Variants in GPC6 observed in about 807,000 individuals in gnomAD.
The protein encoded by GPC6 is glypican 6, also known as glypican-6.
In GPC6, 14 loss-of-function variants were observed where a neutral mutation model predicts 55.2. That is an observed-to-expected ratio of 0.25 (90% CI 0.17 to 0.40). The LOEUF is 0.40. Ranked by LOEUF, GPC6 falls within the 10% of genes least tolerant of loss-of-function variation. The pLI, the probability that GPC6 is intolerant of heterozygous loss-of-function variation, is 1.00. For synonymous variants in GPC6, 278 were observed against 259.6 expected, an observed-to-expected ratio of 1.07 and a Z score of -0.68; for missense variants, 641 against 708.5, an observed-to-expected ratio of 0.90 and a Z score of 1.08.
intron 4 of GPC6, among the ~76,000 whole-genome samples, chr13:94,063,655 G>A (rs981481677): frequency 3.3e-5 from 5 of 152,064 alleles, no homozygotes; most frequent in Middle Eastern, 3.2e-3. Flanking sequence ...CTCTCTCAAA[G>A]CCCGAGCCTT....
chr13:93,694,689 C>T (rs1481858001), intron 2 of GPC6, among the ~76,000 whole-genome samples: 1 of 152,140 alleles, frequency 6.6e-6, no homozygotes, highest in African/African-American at 2.4e-5. Context: ...GTTACTGTCA[C>T]CGCACAACTT....
chr13:93,882,462 G>A (rs1163311202), intron 3 of GPC6, among the ~76,000 whole-genome samples: 1 of 152,034 alleles, frequency 6.6e-6, no homozygotes, highest in Non-Finnish European at 1.5e-5. Context: ...CAAAGTTTAA[G>A]TCACCTCCCA....
rs552617756 is a variant in GPC6 at position 93,857,201 on chromosome 13, G to A, written c.711+26656G>A. ...ATCACAATAAATTGCAAACACATCA[G>A]GGAGTTTACTCCTAAGCAGCAGGAG... On this transcript the variant is annotated intron_variant, in intron 3 of 8. Coordinates refer to ENST00000377047, the MANE Select transcript of GPC6 (RefSeq NM_005708.5). 2.0e-5 allele frequency among the ~76,000 whole-genome samples: 3 copies of A among 151,632 alleles called. No homozygotes were observed. In the South Asian group the frequency reaches 6.2e-4, roughly 31 times the overall value.
intron 3 of GPC6, among the ~76,000 whole-genome samples, chr13:93,851,450 C>T (rs1028397790): frequency 6.6e-6 from 1 of 151,828 alleles, no homozygotes; most frequent in Non-Finnish European, 1.5e-5. Context: ...ACAGTGCCAT[C>T]TAACAGTCAG....
intron 2 of GPC6, among the ~76,000 whole-genome samples, chr13:93,559,538 A>G (rs896112265): frequency 6.6e-6 from 1 of 152,202 alleles, no homozygotes; most frequent in Non-Finnish European, 1.5e-5. Flanking sequence ...CTAGGGATGG[A>G]TGAATACAAA....
chr13:93,439,452 C>T (rs1202257632), intron 1 of GPC6, among the ~76,000 whole-genome samples: 1 of 152,078 alleles, frequency 6.6e-6, no homozygotes, highest in East Asian at 1.9e-4. Context: ...AGTTCTTTCT[C>T]TTGCTTGCCA....
intron 1 of GPC6, among the ~76,000 whole-genome samples, chr13:93,531,807 G>A (rs187614738): frequency 2.6e-5 from 4 of 152,170 alleles, no homozygotes; most frequent in Non-Finnish European, 5.9e-5. Flanking sequence ...TTCATACATA[G>A]TCACAATTAT....
chr13:93,770,848 A>G (rs1885266445), intron 2 of GPC6, among the ~76,000 whole-genome samples: 2 of 152,168 alleles, frequency 1.3e-5, no homozygotes, highest in Admixed American at 1.3e-4. Context: ...TTCTTGGTCA[A>G]ATAAGGTTAC....
intron 2 of GPC6, among the ~76,000 whole-genome samples, chr13:93,716,793 C>G (rs1026948486): frequency 1.3e-5 from 2 of 151,628 alleles, no homozygotes; most frequent in African/African-American, 2.4e-5. Flanking sequence ...ACTCATACCT[C>G]AATCACTGAC....
chr13:94,370,847 A>G (rs964016885), intron 6 of GPC6, among the ~76,000 whole-genome samples: 2 of 152,216 alleles, frequency 1.3e-5, no homozygotes, highest in Admixed American at 6.5e-5. Flanking sequence ...TTACATAAAA[A>G]CAGAAACTTT....
At chr13:93,871,456 G>C (rs1234284600) in intron 3 of GPC6, among the ~76,000 whole-genome samples, 1 of 151,916 alleles carries the variant, frequency 6.6e-6, no homozygotes, top group Non-Finnish European at 1.5e-5. Context: ...ATAATCAGTT[G>C]TCCTTAAAAT....
rs114685281 is a variant in GPC6, at chr13:94,008,855, G to A, written c.712-18874G>A. On this transcript the variant is annotated intron_variant, in intron 3 of 8. Coordinates refer to ENST00000377047, the MANE Select transcript of GPC6 (RefSeq NM_005708.5). ...TTTAACAGTTGTTTTCCTTTCTCCTGAACTTGTATTTCCATTATAATTCCC... is the reference window on the plus strand; with the variant it reads ...TTTAACAGTTGTTTTCCTTTCTCCTAAACTTGTATTTCCATTATAATTCCC... 4.3e-3 allele frequency among the ~76,000 whole-genome samples: 648 copies of A among 152,044 alleles called. 8 individuals are homozygous for A. Among genetic ancestry groups the A allele is most frequent in the African/African-American group, 0.015 (620 of 41,478 alleles).
intron 6 of GPC6, among the ~76,000 whole-genome samples, chr13:94,348,995 G>A (rs543578477): frequency 6.6e-6 from 1 of 152,264 alleles, no homozygotes; most frequent in South Asian, 2.1e-4. Context: ...ACAAATACCT[G>A]TTTGTTTTAA....
chr13:93,671,993 C>T (rs1881378013), intron 2 of GPC6, among the ~76,000 whole-genome samples: 1 of 151,994 alleles, frequency 6.6e-6, no homozygotes, highest in African/African-American at 2.4e-5. Flanking sequence ...ATGATTAGTT[C>T]TAATTAATTA....
chr13:93,960,820 T>C (rs948105574), intron 3 of GPC6, among the ~76,000 whole-genome samples: 5 of 149,708 alleles, frequency 3.3e-5, no homozygotes, highest in African/African-American at 4.9e-5. Context: ...TTTTTCTTTT[T>C]TTTTTTTTTT....
intron 3 of GPC6, among the ~76,000 whole-genome samples, chr13:93,834,364 T>C (rs772382983): frequency 1.5e-4 from 23 of 152,150 alleles, no homozygotes; most frequent in Non-Finnish European, 3.1e-4. Context: ...TACATACATT[T>C]TTATGAAGTT....
chr13:93,398,339 G>A (rs1237053625), intron 1 of GPC6, among the ~76,000 whole-genome samples: 1 of 152,152 alleles, frequency 6.6e-6, no homozygotes, highest in African/African-American at 2.4e-5. Context: ...GTGCTCTCTG[G>A]GGAGGCAAGT....
At chr13:93,965,336 G>A (rs372506669) in intron 3 of GPC6, among the ~76,000 whole-genome samples, 178 of 151,970 alleles carry the variant, frequency 1.2e-3, no homozygotes, top group African/African-American at 4.0e-3. Context: ...GCATGAACCC[G>A]GGAGGTGGAG....
chr13:93,255,169 G>A (rs574696616), intron 1 of GPC6, among the ~76,000 whole-genome samples: 7 of 152,248 alleles, frequency 4.6e-5, no homozygotes, highest in African/African-American at 1.2e-4. Context: ...GAAAGAAAAC[G>A]TAATGATTAC....
Sources: allele counts gnomAD v4.1 joint callset (sites outside exome capture counted in the v4.1 genomes callset), GRCh38; gene constraint gnomAD v4.1.1; transcripts MANE v1.5; gene names NCBI Gene and HGNC (gene_info 2026-07-23, HGNC 2026-07-21).